Variants in ABL1 observed in about 807,000 individuals in gnomAD.
ABL1 encodes the protein ABL proto-oncogene 1, non-receptor tyrosine kinase, also known as tyrosine-protein kinase ABL1.
ABL1 carries 11 observed loss-of-function variants against 94.7 expected under a neutral mutation model. That is an observed-to-expected ratio of 0.12 (90% CI 0.07 to 0.19). The LOEUF (loss-of-function observed/expected upper bound fraction) is 0.19, where lower values mean the gene tolerates loss of function less well. Among genes scored for constraint, ABL1 ranks in the 10% least tolerant of loss-of-function variants. The pLI, the probability that ABL1 is intolerant of heterozygous loss-of-function variation, is 1.00. For synonymous variants in ABL1, 656 were observed against 622.4 expected (o/e 1.05, Z -0.80); for missense variants, 1,082 against 1,489.4 (o/e 0.73, Z 4.50).
upstream of ABL1, among the ~76,000 whole-genome samples, chr9:130,832,565 C>G (rs1175881390): frequency 6.6e-6 from 1 of 152,122 alleles, no homozygotes; most frequent in Non-Finnish European, 1.5e-5. Context: ...AGTCAGTTTT[C>G]TTACTTGTGA....
Position 130,884,930 on chromosome 9 carries a change from C to T in ABL1, c.2640C>T (p.His880=). 1 of 1,611,712 alleles carries T rather than the reference C, an allele frequency of 6.2e-7. No individual in the cohort carries two copies. Among genetic ancestry groups the T allele is most frequent in the Non-Finnish European group, 8.5e-7 (1 of 1,179,658 alleles). ...AGTCCAGAGTGAGGAGGCACAAGCA[C>T]TCCTCTGAGTCGCCAGGGAGGGACA... ...AEESRVRRHK[H]SSESPGRDKG... Residue 880 remains histidine (H), a synonymous_variant, in exon 11 of 11, where the codon CAC becomes CAT. Transcript: ENST00000318560. This position sits in a 1 kb window ranked among gnomAD's most constrained non-coding sequence, Gnocchi z 5.6.
At chr9:130,786,494 T>G (rs1247248629) in intron 1 of ABL1, among the ~76,000 whole-genome samples, 1 of 152,214 alleles carries the variant, frequency 6.6e-6, no homozygotes, top group African/African-American at 2.4e-5. Flanking sequence ...AATAATTCTT[T>G]TATTAAATTT....
At position 130,886,350 on chromosome 9, in the gene ABL1, C is replaced by G. The variant is rs34500516; in HGVS notation, c.*667C>G. ...TGCTAAAGCCAACCAGCCTTTGGGTCCTGGGCAGGTGGGAGCTGAAAAGGA... is the reference window on the plus strand; with the variant it reads ...TGCTAAAGCCAACCAGCCTTTGGGTGCTGGGCAGGTGGGAGCTGAAAAGGA... On this transcript the variant is annotated 3_prime_UTR_variant, in exon 11 of 11. Transcript: ENST00000318560. 4.3e-6 allele frequency: 1 copy of G among 234,212 alleles called. No individual in the cohort carries two copies. Among genetic ancestry groups the G allele is most frequent in the African/African-American group, 2.2e-5 (1 of 45,376 alleles). The allele number at this position is 234,212 out of a possible 1,614,324, so 14.5% of individuals were successfully genotyped here. A position where few individuals can be genotyped will look rare whatever the true frequency, so the allele number is the denominator to read the frequency against.
At chr9:130,801,939 C>T (rs995347170) in intron 1 of ABL1, among the ~76,000 whole-genome samples, 5 of 152,008 alleles carry the variant, frequency 3.3e-5, no homozygotes, top group African/African-American at 1.2e-4. Flanking sequence ...CAAGTATCTG[C>T]GTATCATTAA....
chr9:130,837,411 A>G (rs1044071956), intron 1 of ABL1, among the ~76,000 whole-genome samples: 3 of 152,190 alleles, frequency 2.0e-5, no homozygotes, highest in Non-Finnish European at 2.9e-5. Flanking sequence ...CAGCTTTGCC[A>G]AGTCATTGTT....
intron 1 of ABL1, among the ~76,000 whole-genome samples, chr9:130,748,062 T>G (rs2855166): frequency 0.22 from 33,575 of 152,162 alleles, 3,986 homozygotes; most frequent in Middle Eastern, 0.4. Context: ...GAACTGGCTA[T>G]TGTCGGTATT....
intron 1 of ABL1, among the ~76,000 whole-genome samples, chr9:130,816,088 TC>T (rs1218863500): frequency 6.6e-6 from 1 of 152,058 alleles, no homozygotes; most frequent in Non-Finnish European, 1.5e-5. Flanking sequence ...TCACCCCGTC[TC>T]CCCACCCACT....
At chr9:130,873,162 A>G in intron 6 of ABL1, 125 bp downstream of exon 6, 1 of 1,015,056 alleles carries the variant, frequency 9.9e-7, no homozygotes, top group Non-Finnish European at 1.4e-6. Flanking sequence ...CTGGCAACAC[A>G]TTGGACCTTG....
intron 1 of ABL1, among the ~76,000 whole-genome samples, chr9:130,727,760 C>G (rs960637607): frequency 5.2e-5 from 7 of 135,576 alleles, no homozygotes; most frequent in African/African-American, 2.2e-4. Flanking sequence ...CGCCCCCCCC[C>G]CCCAAAAAAA....
chr9:130,752,820 G>C (rs1262597058), intron 1 of ABL1, among the ~76,000 whole-genome samples: 1 of 152,086 alleles, frequency 6.6e-6, no homozygotes, highest in African/African-American at 2.4e-5. Context: ...ATAGCTGAAC[G>C]TGGTGGCGAA....
chr9:130,791,019 A>T (rs1829902116), intron 1 of ABL1, among the ~76,000 whole-genome samples: 1 of 152,226 alleles, frequency 6.6e-6, no homozygotes, highest in Non-Finnish European at 1.5e-5. Flanking sequence ...GTAATGAGAG[A>T]CAAAAATTCT....
chr9:130,777,509 C>T (rs1166614482), intron 1 of ABL1, among the ~76,000 whole-genome samples: 4 of 148,224 alleles, frequency 2.7e-5, no homozygotes, highest in Admixed American at 1.3e-4. Context: ...GCAGGGGAAT[C>T]GAGGAACCTC....
chr9:130,859,672 CTTTCCT>C lies in ABL1; in HGVS notation c.550-3087_550-3082del, dbSNP rs1267503285. Among the ~76,000 whole-genome samples the C allele has an allele frequency of 8.4e-4, 73 of 86,572 alleles. 5 individuals are homozygous for C. Among genetic ancestry groups the C allele is most frequent in the East Asian group, 3.0e-3 (9 of 3,008 alleles). 56.8% of individuals were successfully genotyped at this position (86,572 alleles called of 152,430 possible). The stretch of plus-strand genomic sequence containing the variant: ...AAAAGAAACGCTGTTTCTTTTCTTT[CTTTCCT>C]TTTTTTTTTTTTTTTTTTTTTTTTT... On this transcript the variant is annotated intron_variant, in intron 3 of 10. Coordinates refer to ENST00000318560, the MANE Select transcript of ABL1 (RefSeq NM_005157.6).
rs193234570 is a variant in ABL1 at position 130,810,661 on chromosome 9, A to G, written c.137-43403A>G. On this transcript the variant is annotated intron_variant, in intron 1 of 10. Transcript: ENST00000372348. ...AAAAATACATGAACACAACATCAGT[A>G]AAGTGAGGGACAACATCAGGTAGCC... Among the ~76,000 whole-genome samples the G allele has an allele frequency of 1.2e-3, 180 of 152,202 alleles. 1 individual carries two copies. The highest frequency in any genetic ancestry group is 4.1e-3 in the African/African-American group (170 of 41,550).
intron 1 of ABL1, among the ~76,000 whole-genome samples, chr9:130,751,235 C>T (rs933425667): frequency 1.4e-5 from 2 of 142,888 alleles, no homozygotes; most frequent in East Asian, 2.1e-4. Context: ...TCTGCCTCCC[C>T]GGTTCAAGTG....
At chr9:130,819,018 C>G (rs533077355) in intron 1 of ABL1, among the ~76,000 whole-genome samples, 1 of 152,276 alleles carries the variant, frequency 6.6e-6, no homozygotes, top group Admixed American at 6.5e-5. Context: ...CTCCCTCTCT[C>G]TCAGCTTCTT....
rs1195976350 is a variant in ABL1, at chr9:130,886,682, T to C, written c.*999T>C. 1 of 233,606 alleles carries C rather than the reference T, an allele frequency of 4.3e-6. No homozygotes were observed. The highest frequency in any genetic ancestry group is 8.5e-6 in the Non-Finnish European group (1 of 118,072). 14.5% of individuals were successfully genotyped at this position (233,606 alleles called of 1,614,324 possible). A position where few individuals can be genotyped will look rare whatever the true frequency, so the allele number is the denominator to read the frequency against. On this transcript the variant is annotated 3_prime_UTR_variant, in exon 11 of 11. Coordinates refer to ENST00000318560, the MANE Select transcript of ABL1 (RefSeq NM_005157.6). ...AAGGGCCCTTCCCCTCCCCCACTCCTCTAAGACAAAGTAGATTCTTACAAG... is the reference window on the plus strand; with the variant it reads ...AAGGGCCCTTCCCCTCCCCCACTCCCCTAAGACAAAGTAGATTCTTACAAG...
At chr9:130,773,575 C>T (rs1022514893) in intron 1 of ABL1, among the ~76,000 whole-genome samples, 1 of 151,468 alleles carries the variant, frequency 6.6e-6, no homozygotes, top group Admixed American at 6.6e-5. Context: ...CCTCCCACCT[C>T]AGCCTCCTGA....
At chr9:130,714,655 T>G in intron 1 of ABL1, 2 of 731,418 alleles carry the variant, frequency 2.7e-6, no homozygotes, top group South Asian at 3.2e-5. Context: ...AAAATCTATT[T>G]GAGTTGCTTA....
Sources: gnomAD v4.1 joint callset for allele counts (sites outside exome capture counted in the v4.1 genomes callset) on GRCh38, gnomAD v4.1.1 for gene constraint, Gnocchi (gnomAD v3.1) non-coding constraint, MANE v1.5 for transcripts, NCBI Gene and HGNC (gene_info 2026-07-23, HGNC 2026-07-21) for gene names.